Variants in RFX3 observed in about 807,000 individuals in gnomAD.
RFX3 encodes the protein regulatory factor X3.
Under a neutral mutation model 98.6 loss-of-function variants are expected in RFX3, and 14 were observed. The ratio of observed to expected loss-of-function variants is 0.14; its 90% confidence interval spans 0.09 to 0.22. The LOEUF (loss-of-function observed/expected upper bound fraction) is 0.22. Among genes scored for constraint, RFX3 ranks in the 10% least tolerant of loss-of-function variants. The probability of loss-of-function intolerance (pLI) is 1.00; values close to 1 mark genes in which losing one functional copy is unlikely to be tolerated. For missense variants in RFX3, 639 were observed against 926.9 expected (o/e 0.69, Z 4.03); for synonymous variants, 383 against 328.4 (o/e 1.17, Z -1.80).
intron 2 of RFX3, among the ~76,000 whole-genome samples, chr9:3,378,245 C>T (rs1390533186): frequency 6.6e-6 from 1 of 152,164 alleles, no homozygotes; most frequent in Non-Finnish European, 1.5e-5. Flanking sequence ...GACAGGTACT[C>T]ATTCTGCCCT....
At chr9:3,514,740 A>G (rs1817986474) in intron 1 of RFX3, among the ~76,000 whole-genome samples, 1 of 152,202 alleles carries the variant, frequency 6.6e-6, no homozygotes, top group Admixed American at 6.5e-5. Context: ...TGAGCTAAAC[A>G]AAGTATTTTA....
At chr9:3,369,104 G>T (rs1409537368) in intron 2 of RFX3, among the ~76,000 whole-genome samples, 2 of 152,200 alleles carry the variant, frequency 1.3e-5, no homozygotes, top group South Asian at 2.1e-4. Context: ...CACACCAGGA[G>T]AAAAAGATAG....
At chr9:3,492,460 C>G (rs1850795038) in intron 1 of RFX3, among the ~76,000 whole-genome samples, 1 of 152,220 alleles carries the variant, frequency 6.6e-6, no homozygotes, top group Admixed American at 6.5e-5. Flanking sequence ...CTGCACAGCC[C>G]AGGGCCATGC....
In RFX3 at chr9:3,357,515, C is replaced by T. The variant is rs747097257; in HGVS notation, c.118-10751G>A. Among the ~76,000 whole-genome samples, 43 of 151,818 alleles carry T rather than the reference C, an allele frequency of 2.8e-4. 1 individual carries two copies. Among genetic ancestry groups the T allele is most frequent in the Admixed American group, 1.6e-3 (24 of 15,224 alleles). On this transcript the variant is annotated intron_variant, in intron 2 of 16. Coordinates refer to ENST00000617270, the MANE Select transcript of RFX3 (RefSeq NM_001282116.2). ...AAAACACAACATAAAATTTGTGGCA[C>T]GCAGGAAAGCAGTATTTAAAGAGAA...
At chr9:3,420,719 C>G (rs1843371510) in intron 1 of RFX3, 1 of 906,620 alleles carries the variant, frequency 1.1e-6, no homozygotes, top group African/African-American at 1.8e-5. Flanking sequence ...GGAATTATTT[C>G]TATAAACCCC....
At chr9:3,300,863 C>T (rs548045528) in intron 5 of RFX3, among the ~76,000 whole-genome samples, 1 of 151,990 alleles carries the variant, frequency 6.6e-6, no homozygotes, top group African/African-American at 2.4e-5. Context: ...ACAAAACTAT[C>T]ATCACCCTTC....
chr9:3,294,539 A>T (rs1454690911), intron 5 of RFX3, among the ~76,000 whole-genome samples: 2 of 152,250 alleles, frequency 1.3e-5, no homozygotes, highest in African/African-American at 2.4e-5. Flanking sequence ...AATAAATAAA[A>T]AATTTCTCCA....
intron 2 of RFX3, among the ~76,000 whole-genome samples, chr9:3,368,880 C>T (rs1462857904): frequency 6.6e-6 from 1 of 152,190 alleles, no homozygotes; most frequent in East Asian, 1.9e-4. Flanking sequence ...AGTGGTAATT[C>T]TGATGTAGAC....
chr9:3,477,332 C>T (rs1587808636), intron 1 of RFX3, among the ~76,000 whole-genome samples: 1 of 152,220 alleles, frequency 6.6e-6, no homozygotes, highest in East Asian at 1.9e-4. Flanking sequence ...ATTAAGTGTC[C>T]TTTCATTTCA....
At chr9:3,429,407 T>G (rs1036743437) in intron 1 of RFX3, among the ~76,000 whole-genome samples, 1 of 149,348 alleles carries the variant, frequency 6.7e-6, no homozygotes, top group Non-Finnish European at 1.5e-5. Context: ...CAATACTATA[T>G]ATATAATATA....
At chr9:3,469,252 C>T (rs940614186) in intron 1 of RFX3, 19 of 445,368 alleles carry the variant, frequency 4.3e-5, no homozygotes, top group Non-Finnish European at 5.4e-5. Context: ...AACACAAATA[C>T]GTTATGCTTC....
At chr9:3,504,499 C>T (rs867109037) in intron 1 of RFX3, among the ~76,000 whole-genome samples, 4 of 118,640 alleles carry the variant, frequency 3.4e-5, no homozygotes, top group Non-Finnish European at 6.6e-5. Context: ...TATTATATGC[C>T]ATATGGTATA....
At chr9:3,516,327 C>A (rs1204759850) in intron 1 of RFX3, among the ~76,000 whole-genome samples, 1 of 152,178 alleles carries the variant, frequency 6.6e-6, no homozygotes, top group African/African-American at 2.4e-5. Flanking sequence ...GGATTACAGG[C>A]ATGAGCCACC....
chr9:3,412,377 T>C (rs556397204), intron 1 of RFX3, among the ~76,000 whole-genome samples: 1 of 152,338 alleles, frequency 6.6e-6, no homozygotes, highest in African/African-American at 2.4e-5. Flanking sequence ...TTATGAATTA[T>C]AGAATTGAGC....
intron 1 of RFX3, among the ~76,000 whole-genome samples, chr9:3,516,485 A>G (rs1424099271): frequency 6.6e-6 from 1 of 152,240 alleles, no homozygotes. Context: ...AGTAACTATT[A>G]CCGATGGAAA....
chr9:3,303,325 C>T (rs986107906), intron 4 of RFX3, among the ~76,000 whole-genome samples: 4 of 151,156 alleles, frequency 2.6e-5, no homozygotes, highest in African/African-American at 7.3e-5. Flanking sequence ...TCAATAAGTG[C>T]TTTTTTTTCA....
At position 3,221,673 on chromosome 9, in the gene RFX3, C is replaced by T. The variant is rs1817347169; in HGVS notation, c.*3369G>A. On this transcript the variant is annotated 3_prime_UTR_variant, in exon 17 of 17. Coordinates refer to ENST00000617270, the MANE Select transcript of RFX3 (RefSeq NM_001282116.2). ...GCCAAAGAAAAAATTGAAAATTGGG[C>T]CCTGTCTTCCAAGGAGATGGTTCAT... 1.3e-5 allele frequency: 2 copies of T among 152,200 alleles called. No individual in the cohort carries two copies. The highest frequency in any genetic ancestry group is 6.6e-5 in the Admixed American group (1 of 15,266). The allele number at this position is 152,200 out of a possible 1,614,324, so 9.4% of individuals were successfully genotyped here. A position where few individuals can be genotyped will look rare whatever the true frequency, so the allele number is the denominator to read the frequency against.
chr9:3,304,742 TC>T (rs1829080125), intron 4 of RFX3, among the ~76,000 whole-genome samples: 1 of 152,020 alleles, frequency 6.6e-6, no homozygotes, highest in South Asian at 2.1e-4. Context: ...TTGTGAGGTC[TC>T]CCCAGACACA....
chr9:3,283,206 T>C (rs1004941705), intron 7 of RFX3, among the ~76,000 whole-genome samples: 4 of 151,748 alleles, frequency 2.6e-5, no homozygotes, highest in Admixed American at 1.3e-4. Flanking sequence ...ATCTGACCAA[T>C]TGCCAGGCTT....
Sources: gnomAD v4.1 joint callset for allele counts (sites outside exome capture counted in the v4.1 genomes callset) on GRCh38, gnomAD v4.1.1 for gene constraint, MANE v1.5 for transcripts, NCBI Gene and HGNC (gene_info 2026-07-23, HGNC 2026-07-21) for gene names.